DEPDC4: variants seen among roughly 807,000 people sequenced by gnomAD.
The protein encoded by DEPDC4 is DEP domain containing 4, also known as DEP domain-containing protein 4.
In DEPDC4, 52 loss-of-function variants were observed where a neutral mutation model predicts 52.0. The ratio of observed to expected loss-of-function variants is 1.00; its 90% confidence interval spans 0.80 to 1.26. The LOEUF (loss-of-function observed/expected upper bound fraction) is 1.26, where lower values mean the gene tolerates loss of function less well. DEPDC4 is among the 50% of genes most tolerant of loss of function. DEPDC4 has a pLI of 0.00. For synonymous variants in DEPDC4, 201 were observed against 196.8 expected (o/e 1.02, Z -0.18); for missense variants, 530 against 546.9 (o/e 0.97, Z 0.31).
Position 100,244,093 on chromosome 12 carries a change from GTGTATATATATATATATATATATA to G in DEPDC4, c.1454-1548_1454-1525del, listed in dbSNP as rs1472057332. On this transcript the variant is annotated intron_variant, in intron 8 of 9. Transcript: ENST00000550587. Reference sequence around the variant, plus strand: ...TCCCTCTCTCTCTCTCTCTCTCTCTGTGTATATATATATATATATATATATATATATATATATATATACACAAAA... The same window carrying G: ...TCCCTCTCTCTCTCTCTCTCTCTCTGTATATATATATATATATACACAAAA... Among the ~76,000 whole-genome samples the G allele has an allele frequency of 6.3e-4, 56 of 89,332 alleles. 3 individuals carry two copies. Among genetic ancestry groups the G allele is most frequent in the East Asian group, 2.9e-3 (6 of 2,042 alleles). The allele number at this position is 89,332 out of a possible 152,430, so 58.6% of individuals were successfully genotyped here.
At chr12:100,233,694 C>T (rs1387506907) in intron 9 of DEPDC4, among the ~76,000 whole-genome samples, 1 of 152,164 alleles carries the variant, frequency 6.6e-6, no homozygotes, top group African/African-American at 2.4e-5. Context: ...TCAGCCCCAA[C>T]TTTTTTGGTT....
the DEPDC4 span, among the ~76,000 whole-genome samples, chr12:100,279,622 T>C: frequency 6.6e-6 from 1 of 152,350 alleles, no homozygotes; most frequent in East Asian, 1.9e-4. Context: ...CTTTGGTCAT[T>C]TGATAATTGA....
the DEPDC4 span, among the ~76,000 whole-genome samples, chr12:100,280,725 T>G: frequency 6.6e-6 from 1 of 152,118 alleles, no homozygotes; most frequent in Non-Finnish European, 1.5e-5. Flanking sequence ...AAATGCTCTT[T>G]GGAGCATTTC....
At chr12:100,277,620 A>C in the DEPDC4 span, among the ~76,000 whole-genome samples, 1 of 152,196 alleles carries the variant, frequency 6.6e-6, no homozygotes, top group East Asian at 1.9e-4. Context: ...TTTTGTAAGC[A>C]GCATATAGTT....
At chr12:100,259,094 A>ATATATATATATATATATC (rs1279516800) in intron 3 of DEPDC4, among the ~76,000 whole-genome samples, 4 of 151,728 alleles carry the variant, frequency 2.6e-5, no homozygotes, top group Non-Finnish European at 5.9e-5. Context: ...ATATATATAT[A>ATATATATATATATATATC]TCCCATGTAC....
At position 100,240,764 on chromosome 12, in the gene DEPDC4, T is replaced by C. The variant is rs930216538; in HGVS notation, c.*1128A>G. 6.6e-6 allele frequency among the ~76,000 whole-genome samples: 1 copy of C among 152,138 alleles called. No individual in the cohort carries two copies. Among genetic ancestry groups the C allele is most frequent in the Non-Finnish European group, 1.5e-5 (1 of 68,002 alleles). On this transcript the variant is annotated 3_prime_UTR_variant, in exon 10 of 10. Coordinates refer to ENST00000550587, the MANE Select transcript of DEPDC4 (RefSeq NM_001364818.2). ...TTAATTTGTGGCCTTTTAAATCTAC[T>C]TCATGTGGCCGGGTGTGGTGGCTCA...
At chr12:100,271,369 C>T (rs2096287525), upstream of DEPDC4, among the ~76,000 whole-genome samples, 2 of 151,698 alleles carry the variant, frequency 1.3e-5, no homozygotes, top group South Asian at 4.2e-4. Context: ...ACGTATTTTC[C>T]CCCAGATTTT....
rs1592907781 is a variant in DEPDC4 at position 100,263,950 on chromosome 12, A to AT, written c.158-58dup. 28 of 1,508,750 alleles carry AT rather than the reference A, an allele frequency of 1.9e-5. No homozygotes were observed. The East Asian group carries it at 6.5e-4, about 35-fold the overall frequency. 93.5% of individuals were successfully genotyped at this position (1,508,750 alleles called of 1,614,324 possible). A position where few individuals can be genotyped will look rare whatever the true frequency, so the allele number is the denominator to read the frequency against. On this transcript the variant is annotated intron_variant, in intron 1 of 9. Coordinates refer to ENST00000550587, the MANE Select transcript of DEPDC4 (RefSeq NM_001364818.2). Reference sequence around the variant, plus strand: ...ATCTAGATTATACAAAAATATGCAAATTTTTCAGTTTTGACAACCTTATGC... The same window carrying AT: ...ATCTAGATTATACAAAAATATGCAAATTTTTTCAGTTTTGACAACCTTATGC...
Position 100,266,928 on chromosome 12 carries a change from C to G in DEPDC4, c.149G>C (p.Arg50Thr). Residue 50 changes from arginine to threonine, a missense_variant, in exon 1 of 10, where the codon AGG (arginine) becomes ACG (threonine). Coordinates refer to ENST00000550587, the MANE Select transcript of DEPDC4 (RefSeq NM_001364818.2). ...AGGATATACAGGGCTACCTGTCCTC[C>G]TTTTCCGGCAGAAGCCATCTCTACG... The part of the protein sequence containing the change: ...RNRRDGFCRK[R>T]RTGCSGPFQA... 1 of 1,613,470 alleles carries G rather than the reference C, an allele frequency of 6.2e-7. No homozygotes were observed. The highest frequency in any genetic ancestry group is 1.3e-5 in the African/African-American group (1 of 75,066).
At chr12:100,256,761 C>T (rs1461577940) in intron 3 of DEPDC4, among the ~76,000 whole-genome samples, 4 of 151,854 alleles carry the variant, frequency 2.6e-5, no homozygotes, top group African/African-American at 9.7e-5. Context: ...CCTGCCTCAG[C>T]CTCCTGAGTA....
chr12:100,279,839 G>A, the DEPDC4 span, among the ~76,000 whole-genome samples: 5 of 152,230 alleles, frequency 3.3e-5, no homozygotes, highest in Admixed American at 2.0e-4. Flanking sequence ...GCCAGACCTG[G>A]TGGAGTGTCA....
At chr12:100,249,217 CCAT>C (rs2096198159) in intron 7 of DEPDC4, among the ~76,000 whole-genome samples, 1 of 151,844 alleles carries the variant, frequency 6.6e-6, no homozygotes. Flanking sequence ...TTAGGTTAAC[CCAT>C]CATTAGTGAA....
chr12:100,236,576 T>C (rs1472270347), downstream of DEPDC4, among the ~76,000 whole-genome samples: 1 of 152,198 alleles, frequency 6.6e-6, no homozygotes. Context: ...TCCTTGTAGA[T>C]TCTGGATATT....
chr12:100,236,265 C>T (rs1021612208), downstream of DEPDC4, among the ~76,000 whole-genome samples: 3 of 152,148 alleles, frequency 2.0e-5, no homozygotes, highest in African/African-American at 7.2e-5. Flanking sequence ...AAGGAATCTC[C>T]ACACCGTTTT....
chr12:100,241,563 A>T lies in DEPDC4; in HGVS notation c.*329T>A. 1 of 706,882 alleles carries T rather than the reference A, an allele frequency of 1.4e-6. No individual in the cohort carries two copies. Among genetic ancestry groups the T allele is most frequent in the Non-Finnish European group, 1.9e-6 (1 of 540,458 alleles). 43.8% of individuals were successfully genotyped at this position (706,882 alleles called of 1,614,324 possible). On this transcript the variant is annotated 3_prime_UTR_variant, in exon 10 of 10. Coordinates refer to ENST00000550587, the MANE Select transcript of DEPDC4 (RefSeq NM_001364818.2). Reference sequence around the variant, plus strand: ...AATAAAAATAAAAAATAAAACACTTAAAATCCTTTGAGATTATGCTTTCTC... The same window carrying T: ...AATAAAAATAAAAAATAAAACACTTTAAATCCTTTGAGATTATGCTTTCTC...
At chr12:100,255,509 T>C (rs1566319359) in intron 4 of DEPDC4, among the ~76,000 whole-genome samples, 1 of 152,208 alleles carries the variant, frequency 6.6e-6, no homozygotes, top group Non-Finnish European at 1.5e-5. Flanking sequence ...ATCCCAACAG[T>C]ACTCAAGGTC....
chr12:100,250,540 T>C (rs1443539223), intron 7 of DEPDC4, among the ~76,000 whole-genome samples: 1 of 152,070 alleles, frequency 6.6e-6, no homozygotes, highest in East Asian at 1.9e-4. Context: ...TGTTTCCTTA[T>C]GACACTGCTA....
At chr12:100,267,807 C>T (rs2096280692), upstream of DEPDC4, 1 of 152,186 alleles carries the variant, frequency 6.6e-6, no homozygotes. Context: ...GAGAGTTCAC[C>T]TCAGTTCTGA....
At position 100,263,676 on chromosome 12, in the gene DEPDC4, T is replaced by C. The variant is rs1244110948; in HGVS notation, c.375A>G (p.Gln125=). 4 of 1,614,072 alleles carry C rather than the reference T, an allele frequency of 2.5e-6. No homozygotes were observed. Among genetic ancestry groups the C allele is most frequent in the South Asian group, 1.1e-5 (1 of 91,056 alleles). ...CAAATACTTTGTGATTCATTAGAAC[T>C]TGGCAAAGATGAACCCCTTTAAGAC... ...ISCLKGVHLC[Q]VLMNHKVFEP... is the part of the protein sequence containing the mutation. The change falls in exon 2 of 10, where the codon CAA becomes CAG. Residue 125 remains glutamine (Q), a synonymous_variant. Coordinates refer to ENST00000550587, the MANE Select transcript of DEPDC4 (RefSeq NM_001364818.2).
Sources: gnomAD v4.1 joint callset for allele counts (sites outside exome capture counted in the v4.1 genomes callset) on GRCh38, gnomAD v4.1.1 for gene constraint, MANE v1.5 for transcripts, NCBI Gene and HGNC (gene_info 2026-07-23, HGNC 2026-07-21) for gene names.